The following PCDHA10 variants were observed in gnomAD, a reference collection of about 807,000 sequenced individuals.
The protein encoded by PCDHA10 is protocadherin alpha-10.
A neutral mutation model predicts 61.2 loss-of-function variants in PCDHA10; 45 were observed. That is an observed-to-expected ratio of 0.74 (90% CI 0.58 to 0.94). The LOEUF is 0.94. Ranked by LOEUF, PCDHA10 falls within the 40% of genes least tolerant of loss-of-function variation. The pLI is 0.00. For missense variants in PCDHA10, 1,278 were observed against 1,236.2 expected (o/e 1.03, Z -0.51); for synonymous variants, 602 against 548.8 (o/e 1.10, Z -1.35).
chr5:140,915,283 C>T (rs1395177735), intron 1 of PCDHA10, among the ~76,000 whole-genome samples: 1 of 152,068 alleles, frequency 6.6e-6, no homozygotes, highest in African/African-American at 2.4e-5. Context: ...ATCATTTACT[C>T]TTTCTACTTA....
At chr5:140,881,304 C>T (rs1011967816) in intron 1 of PCDHA10, 1 of 965,928 alleles carries the variant, frequency 1.0e-6, no homozygotes, top group South Asian at 4.8e-5. Flanking sequence ...AAACTTTAAC[C>T]TCCTGGTTAA....
chr5:141,009,374 G>C (rs567366098), intron 3 of PCDHA10, among the ~76,000 whole-genome samples: 1 of 152,216 alleles, frequency 6.6e-6, no homozygotes, highest in African/African-American at 2.4e-5. Context: ...TGGGAGGATT[G>C]ATTGAGCACA....
rs377441374 is a variant in PCDHA10, at chr5:140,884,065, C to T, written c.2388+25629C>T. The T allele has an allele frequency of 3.7e-6, 6 of 1,613,346 alleles. No individual in the cohort carries two copies. The African/African-American group carries it at 5.3e-5, about 14-fold the overall frequency. ...TGGCGAAGGTGCGCGCGGTGGACGC[C>T]GATTCGGGCTACAATGCGTGGCTTT... is the stretch of plus-strand genomic sequence containing the variant. On this transcript the variant is annotated intron_variant, in intron 1 of 3. Transcript: ENST00000307360.
chr5:140,928,875 T>C (rs781860300), intron 1 of PCDHA10: 1 of 1,614,184 alleles, frequency 6.2e-7, no homozygotes, highest in Non-Finnish European at 8.5e-7. Context: ...ACTCTGTCCC[T>C]CAGTTACTTC....
At chr5:140,980,436 C>T (rs1364418994) in intron 2 of PCDHA10, among the ~76,000 whole-genome samples, 1 of 152,134 alleles carries the variant, frequency 6.6e-6, no homozygotes, top group Admixed American at 6.5e-5. Context: ...TCGAGACCAT[C>T]CTGGACAACA....
chr5:140,871,056 G>A (rs1554165039), intron 1 of PCDHA10: 1 of 1,613,234 alleles, frequency 6.2e-7, no homozygotes, highest in African/African-American at 1.3e-5. Context: ...TACTGGTGAA[G>A]GATCACGGTG....
intron 1 of PCDHA10, chr5:140,871,557 T>C (rs2053187983): frequency 1.3e-6 from 2 of 1,489,740 alleles, no homozygotes. Flanking sequence ...AATCCAGTTT[T>C]TTTTCACGGA....
intron 1 of PCDHA10, among the ~76,000 whole-genome samples, chr5:140,962,957 C>T (rs915413264): frequency 1.3e-5 from 2 of 152,014 alleles, no homozygotes; most frequent in Non-Finnish European, 2.9e-5. Flanking sequence ...ATGCTCTATC[C>T]CTATATAGGA....
At chr5:140,876,321 G>T (rs2153339560) in intron 1 of PCDHA10, 2 of 1,614,030 alleles carry the variant, frequency 1.2e-6, no homozygotes, top group East Asian at 2.2e-5. Context: ...GGATCAAAAT[G>T]ATTTTGCCAG....
intron 1 of PCDHA10, chr5:140,928,490 CT>C: frequency 1.2e-6 from 2 of 1,614,150 alleles, no homozygotes; most frequent in Non-Finnish European, 1.7e-6. Context: ...GGTGGCATTC[CT>C]CCCAGAAGTG....
intron 1 of PCDHA10, among the ~76,000 whole-genome samples, chr5:140,976,410 G>C (rs1353790339): frequency 6.6e-6 from 1 of 152,074 alleles, no homozygotes; most frequent in Non-Finnish European, 1.5e-5. Context: ...AATTAGCCAG[G>C]TACGGTGGCA....
At chr5:140,986,005 C>G (rs912493095) in intron 3 of PCDHA10, among the ~76,000 whole-genome samples, 1 of 152,040 alleles carries the variant, frequency 6.6e-6, no homozygotes, top group African/African-American at 2.4e-5. Flanking sequence ...TCCCAAAGTG[C>G]TGGGATTACA....
intron 1 of PCDHA10, among the ~76,000 whole-genome samples, chr5:140,890,901 T>C (rs1583031993): frequency 6.6e-6 from 1 of 152,194 alleles, no homozygotes; most frequent in Admixed American, 6.5e-5. Flanking sequence ...TGTCTTTCCA[T>C]GTTAGAATAA....
At chr5:140,990,492 A>G (rs533006418) in intron 3 of PCDHA10, among the ~76,000 whole-genome samples, 1 of 152,308 alleles carries the variant, frequency 6.6e-6, no homozygotes, top group South Asian at 2.1e-4. Flanking sequence ...TAGTGAGGTG[A>G]CATTCCCCAA....
intron 3 of PCDHA10, among the ~76,000 whole-genome samples, chr5:141,003,141 AGACTC>A (rs1554258926): frequency 1.3e-5 from 2 of 152,202 alleles, no homozygotes; most frequent in African/African-American, 4.8e-5. Flanking sequence ...GCCTTGGCAA[AGACTC>A]TGACCTGATC....
At chr5:140,940,572 C>G (rs1315567614) in intron 1 of PCDHA10, among the ~76,000 whole-genome samples, 1 of 152,096 alleles carries the variant, frequency 6.6e-6, no homozygotes, top group African/African-American at 2.4e-5. Context: ...CCTTGGCTCC[C>G]AAAGTGTTGG....
intron 1 of PCDHA10, among the ~76,000 whole-genome samples, chr5:140,894,634 T>C (rs1412183022): frequency 1.3e-5 from 2 of 151,970 alleles, no homozygotes; most frequent in Non-Finnish European, 2.9e-5. Flanking sequence ...TCCAATCATA[T>C]CATTACTGAG....
In PCDHA10 at chr5:140,857,683, C is replaced by T. The variant is rs1554150520; in HGVS notation, c.1635C>T (p.Gly545=). The change falls in exon 1 of 4, where the codon GGC becomes GGT. Residue 545 remains glycine (G), a synonymous_variant. Transcript: ENST00000307360. ...SARDGGVPPL[G]SNLTLQVFVL... ...GCGATGGGGGCGTGCCGCCTCTGGG[C>T]AGCAACTTGACGCTGCAGGTGTTCG... The T allele has an allele frequency of 6.3e-7, 1 of 1,597,084 alleles. No homozygotes were observed. Among genetic ancestry groups the T allele is most frequent in the Middle Eastern group, 1.8e-4 (1 of 5,422 alleles).
chr5:140,969,363 C>T, intron 1 of PCDHA10: 2 of 1,610,732 alleles, frequency 1.2e-6, no homozygotes, highest in Non-Finnish European at 8.5e-7. Context: ...CTTCTACAAA[C>T]TCATGCATTT....
Sources: allele counts gnomAD v4.1 joint callset (sites outside exome capture counted in the v4.1 genomes callset), GRCh38; gene constraint gnomAD v4.1.1; transcripts MANE v1.5; gene names NCBI Gene and HGNC (gene_info 2026-07-23, HGNC 2026-07-21).